The following AGR3 variants were observed in gnomAD, a reference collection of about 807,000 sequenced individuals.
The protein encoded by AGR3 is anterior gradient protein 3.
Under a neutral mutation model 24.5 loss-of-function variants are expected in AGR3, and 37 were observed. The ratio of observed to expected loss-of-function variants is 1.51; its 90% CI spans 1.16 to 1.99. AGR3 has a LOEUF of 1.99. Among genes scored for constraint, AGR3 ranks in the 30% most tolerant of loss-of-function variants. The pLI, the probability that AGR3 is intolerant of heterozygous loss-of-function variation, is 0.00. For missense variants in AGR3, 228 were observed against 191.1 expected (o/e 1.19, Z -1.14); for synonymous variants, 75 against 61.6 (o/e 1.22, Z -1.02).
intron 1 of AGR3, 68 bp from the exon 2 acceptor site, chr7:16,878,713 T>G: frequency 8.1e-7 from 1 of 1,241,690 alleles, no homozygotes; most frequent in East Asian, 2.3e-5. Context: ...AGATATTTGC[T>G]AAGAGTTGGA....
chr7:16,867,001 A>C (rs1264740683), intron 3 of AGR3, among the ~76,000 whole-genome samples: 6 of 152,138 alleles, frequency 3.9e-5, no homozygotes, highest in Non-Finnish European at 8.8e-5. Context: ...AGCAGACAGC[A>C]CTAGCATGAG....
At chr7:16,873,680 G>A (rs1781927417) in intron 3 of AGR3, 100 bp downstream of exon 3, 6 of 869,972 alleles carry the variant, frequency 6.9e-6, no homozygotes, top group Admixed American at 2.1e-5. Flanking sequence ...TACACATTGT[G>A]TACATGTATC....
intron 3 of AGR3, among the ~76,000 whole-genome samples, chr7:16,868,225 G>A (rs113793050): frequency 2.6e-5 from 4 of 151,678 alleles, no homozygotes; most frequent in African/African-American, 9.7e-5. Flanking sequence ...GTGCGATCTC[G>A]GCTCACCACA....
chr7:16,862,939 T>G (rs1399619826), intron 3 of AGR3, among the ~76,000 whole-genome samples: 2 of 152,200 alleles, frequency 1.3e-5, no homozygotes, highest in Non-Finnish European at 2.9e-5. Context: ...GGCACAGTGG[T>G]GTGAGCCTGT....
chr7:16,877,687 C>A (rs1430633863), intron 2 of AGR3, among the ~76,000 whole-genome samples: 1 of 151,808 alleles, frequency 6.6e-6, no homozygotes, highest in Admixed American at 6.6e-5. Context: ...CACGGTGAAA[C>A]CCCGTCTCTA....
chr7:16,862,324 A>G (rs1781666303), intron 4 of AGR3, among the ~76,000 whole-genome samples: 1 of 152,308 alleles, frequency 6.6e-6, no homozygotes, highest in South Asian at 2.1e-4. Flanking sequence ...GGTTAAGACA[A>G]CGACTTTTTT....
At chr7:16,859,714 T>C (rs1317560059) in intron 7 of AGR3, 83 bp from the exon 8 acceptor site, 14 of 898,530 alleles carry the variant, frequency 1.6e-5, no homozygotes, top group Non-Finnish European at 2.1e-5. Flanking sequence ...AACCTGAAAT[T>C]GGCCCATTTA....
At chr7:16,861,956 T>C in intron 5 of AGR3, 28 bp downstream of exon 5, 1 of 1,554,260 alleles carries the variant, frequency 6.4e-7, no homozygotes, top group East Asian at 2.2e-5. Context: ...AATTATAGTA[T>C]TAAGAAAACA....
At chr7:16,858,517 C>T (rs1377614537), downstream of AGR3, among the ~76,000 whole-genome samples, 4 of 152,018 alleles carry the variant, frequency 2.6e-5, no homozygotes, top group African/African-American at 9.7e-5. Context: ...TTCATTTTTC[C>T]TGAAGTAGTT....
At chr7:16,868,980 T>G (rs1781812679) in intron 3 of AGR3, among the ~76,000 whole-genome samples, 1 of 152,230 alleles carries the variant, frequency 6.6e-6, no homozygotes, top group African/African-American at 2.4e-5. Context: ...TGATCTGTTC[T>G]AAAAAATAAT....
chr7:16,858,213 C>G (rs948531073), downstream of AGR3, among the ~76,000 whole-genome samples: 2 of 152,002 alleles, frequency 1.3e-5, no homozygotes, highest in Non-Finnish European at 1.5e-5. Flanking sequence ...TAGTTAGTCT[C>G]GAACTCCTGA....
downstream of AGR3, among the ~76,000 whole-genome samples, chr7:16,854,746 G>A (rs2115396566): frequency 6.6e-6 from 1 of 152,274 alleles, no homozygotes; most frequent in East Asian, 1.9e-4. Context: ...CAAGGTGTTG[G>A]CAGGGTTGGT....
intron 7 of AGR3, 64 bp downstream of exon 7, chr7:16,860,436 A>G (rs756946319): frequency 4.1e-6 from 5 of 1,213,562 alleles, no homozygotes; most frequent in Non-Finnish European, 6.1e-6. Context: ...GGGCTTCACT[A>G]GCCCTTAACA....
intron 2 of AGR3, among the ~76,000 whole-genome samples, chr7:16,877,229 G>A (rs1782001071): frequency 6.8e-6 from 1 of 146,562 alleles, no homozygotes; most frequent in African/African-American, 2.5e-5. Context: ...TATAATTATA[G>A]CATATATTTA....
chr7:16,877,481 T>C (rs112534394), intron 2 of AGR3, among the ~76,000 whole-genome samples: 6 of 151,826 alleles, frequency 4.0e-5, no homozygotes, highest in African/African-American at 1.2e-4. Context: ...AAGTACTTTG[T>C]GGTAATACTG....
At chr7:16,866,421 G>A (rs1317964243) in intron 3 of AGR3, 3 of 269,378 alleles carry the variant, frequency 1.1e-5, no homozygotes, top group Non-Finnish European at 2.4e-5. Context: ...TTCCTGAAAT[G>A]AGAGACCATG....
intron 3 of AGR3, among the ~76,000 whole-genome samples, chr7:16,873,066 A>G (rs1044061982): frequency 3.3e-5 from 5 of 152,190 alleles, no homozygotes; most frequent in Admixed American, 3.3e-4. Flanking sequence ...CTAAAAATAT[A>G]ACTACCATAT....
At position 16,866,519 on chromosome 7, in the gene AGR3, C is replaced by T. The variant is rs188400817; in HGVS notation, c.174-3857G>A. Among the ~76,000 whole-genome samples, 416 of 152,188 alleles carry T rather than the reference C, an allele frequency of 2.7e-3. 5 individuals carry two copies. In the South Asian group the frequency reaches 0.034, roughly 12 times the overall value. On this transcript the variant is annotated intron_variant, in intron 3 of 7. Coordinates refer to ENST00000310398, the MANE Select transcript of AGR3 (RefSeq NM_176813.5). ...TAGAATTTCTGAGTCAGAGTGTGTG[C>T]ATTTATAATTCTGATATATACTCTC...
chr7:16,856,594 T>C (rs939630796), downstream of AGR3, among the ~76,000 whole-genome samples: 2 of 152,214 alleles, frequency 1.3e-5, no homozygotes, highest in Admixed American at 6.5e-5. Context: ...TAATCCCTTT[T>C]GAATGTACAA....
Sources: gnomAD v4.1 joint callset for allele counts (sites outside exome capture counted in the v4.1 genomes callset) on GRCh38, gnomAD v4.1.1 for gene constraint, MANE v1.5 for transcripts, NCBI Gene and HGNC (gene_info 2026-07-23, HGNC 2026-07-21) for gene names.